The following ASPRV1 variants were observed in gnomAD, a reference collection of about 807,000 sequenced individuals.
ASPRV1 encodes the protein aspartic peptidase retroviral like 1, also known as retroviral-like aspartic protease 1.
Under a neutral mutation model 11.0 loss-of-function variants are expected in ASPRV1, and 7 were observed. That is an observed-to-expected ratio of 0.64 (90% CI 0.36 to 1.20). The LOEUF (loss-of-function observed/expected upper bound fraction) is 1.20. ASPRV1 is among the 50% of genes most tolerant of loss of function. The probability of loss-of-function intolerance (pLI) is 0.02; values close to 1 mark genes in which losing one functional copy is unlikely to be tolerated. For synonymous variants in ASPRV1, 136 were observed against 138.4 expected (o/e 0.98, Z 0.12); for missense variants, 299 against 320.0 (o/e 0.93, Z 0.50).
the ASPRV1 span, among the ~76,000 whole-genome samples, chr2:70,041,986 A>G: frequency 6.6e-6 from 1 of 152,212 alleles, no homozygotes; most frequent in African/African-American, 2.4e-5. Flanking sequence ...CATTATCTTC[A>G]TCTGGAATTA....
the ASPRV1 span, among the ~76,000 whole-genome samples, chr2:69,950,784 A>G: frequency 3.8e-4 from 57 of 151,896 alleles, no homozygotes; most frequent in Admixed American, 2.4e-3. Context: ...TGGAGTTTGC[A>G]GTGAGCTGAG....
At chr2:70,035,525 T>C in the ASPRV1 span, among the ~76,000 whole-genome samples, 2 of 151,800 alleles carry the variant, frequency 1.3e-5, no homozygotes, top group African/African-American at 4.8e-5. Flanking sequence ...TACTTGACCA[T>C]CATTTTCTGA....
At chr2:70,060,578 C>T in the ASPRV1 span, among the ~76,000 whole-genome samples, 142 of 152,104 alleles carry the variant, frequency 9.3e-4, no homozygotes, top group African/African-American at 3.3e-3. Flanking sequence ...TTTGGGAGGC[C>T]GAGGCAGCTG....
chr2:69,993,888 G>A, the ASPRV1 span: 1 of 152,198 alleles, frequency 6.6e-6, no homozygotes, highest in Non-Finnish European at 1.5e-5. Flanking sequence ...CAGGCTGTTT[G>A]TTTTGCAGAG....
the ASPRV1 span, among the ~76,000 whole-genome samples, chr2:70,004,644 T>A: frequency 1.3e-5 from 2 of 151,950 alleles, no homozygotes; most frequent in African/African-American, 4.8e-5. Context: ...ACTACCTGAG[T>A]CATTAAGAAA....
chr2:69,961,651 G>C (rs1316020093), upstream of ASPRV1: 4 of 1,574,272 alleles, frequency 2.5e-6, no homozygotes, highest in South Asian at 4.7e-5. Context: ...ACTCTGCAGA[G>C]CCTTTTTGAT....
chr2:70,000,833 G>C, the ASPRV1 span, among the ~76,000 whole-genome samples: 1 of 102,420 alleles, frequency 9.8e-6, no homozygotes, highest in Non-Finnish European at 2.1e-5. Context: ...AAAAAGAAAA[G>C]AAAACTAGAT....
At chr2:69,996,795 G>C in the ASPRV1 span, 1 of 454,328 alleles carries the variant, frequency 2.2e-6, no homozygotes, top group South Asian at 1.6e-5. Flanking sequence ...GATGTCGGAC[G>C]GTCAGATACT....
the ASPRV1 span, chr2:69,988,904 C>A: frequency 2.4e-6 from 1 of 417,284 alleles, no homozygotes; most frequent in Admixed American, 2.7e-5. Context: ...ATCTCTGTAC[C>A]CAGAACGGCT....
the ASPRV1 span, among the ~76,000 whole-genome samples, chr2:70,084,606 T>C: frequency 6.6e-6 from 1 of 152,258 alleles, no homozygotes; most frequent in Non-Finnish European, 1.5e-5. Flanking sequence ...TAATGGGTTT[T>C]TAATCACTTT....
chr2:70,064,493 T>C, the ASPRV1 span, among the ~76,000 whole-genome samples: 3 of 152,214 alleles, frequency 2.0e-5, no homozygotes, highest in Admixed American at 6.5e-5. Context: ...GGTGAAGTTA[T>C]ATGTATACTA....
chr2:70,047,159 A>G, the ASPRV1 span, among the ~76,000 whole-genome samples: 1 of 152,200 alleles, frequency 6.6e-6, no homozygotes, highest in Admixed American at 6.5e-5. Flanking sequence ...CCTGGGATAC[A>G]GCAGCAAACA....
At chr2:70,041,903 C>T in the ASPRV1 span, among the ~76,000 whole-genome samples, 1 of 152,146 alleles carries the variant, frequency 6.6e-6, no homozygotes, top group Admixed American at 6.5e-5. Context: ...CGGATTAGAG[C>T]TATCCTTATG....
the ASPRV1 span, among the ~76,000 whole-genome samples, chr2:70,061,403 A>AC: frequency 6.6e-6 from 1 of 151,842 alleles, no homozygotes; most frequent in East Asian, 1.9e-4. Context: ...TCAAAAAAAA[A>AC]AAAAAACAAA....
At chr2:70,033,908 A>G in the ASPRV1 span, among the ~76,000 whole-genome samples, 3 of 152,002 alleles carry the variant, frequency 2.0e-5, no homozygotes, top group African/African-American at 7.3e-5. Flanking sequence ...TAATCCCAGC[A>G]CTTTGGGAGG....
the ASPRV1 span, chr2:70,086,526 G>A: frequency 1.3e-5 from 2 of 152,180 alleles, no homozygotes; most frequent in African/African-American, 4.8e-5. Flanking sequence ...CGCCCCCCTT[G>A]AGCCTGGCGC....
the ASPRV1 span, chr2:69,996,579 T>C: frequency 2.5e-6 from 1 of 392,688 alleles, no homozygotes; most frequent in Non-Finnish European, 5.1e-6. Context: ...AAATGAATAA[T>C]TTATTCATTC....
chr2:70,043,361 T>C, the ASPRV1 span, among the ~76,000 whole-genome samples: 1 of 152,048 alleles, frequency 6.6e-6, no homozygotes, highest in Non-Finnish European at 1.5e-5. Flanking sequence ...GAAGTTGCAG[T>C]GAGCCAAGAT....
At chr2:70,085,880 G>C in the ASPRV1 span, 1 of 152,220 alleles carries the variant, frequency 6.6e-6, no homozygotes, top group Non-Finnish European at 1.5e-5. Flanking sequence ...GTTCTCTCCA[G>C]CACAACAGCC....
Sources: gnomAD v4.1 joint callset for allele counts (sites outside exome capture counted in the v4.1 genomes callset) on GRCh38, gnomAD v4.1.1 for gene constraint, MANE v1.5 for transcripts, NCBI Gene and HGNC (gene_info 2026-07-23, HGNC 2026-07-21) for gene names.